SLIT2: variants seen among roughly 807,000 people sequenced by gnomAD.
SLIT2 encodes slit homolog 2 protein.
A neutral mutation model predicts 185.7 loss-of-function variants in SLIT2; 41 were observed. The ratio of observed to expected loss-of-function variants is 0.22; its 90% CI spans 0.17 to 0.29. The LOEUF (loss-of-function observed/expected upper bound fraction) is 0.29, where lower values mean the gene tolerates loss of function less well. Ranked by LOEUF, SLIT2 falls within the 10% of genes least tolerant of loss-of-function variation. The pLI, the probability that SLIT2 is intolerant of heterozygous loss-of-function variation, is 1.00. For synonymous variants in SLIT2, 693 were observed against 680.2 expected (o/e 1.02, Z -0.29); for missense variants, 1,571 against 1,909.0 (o/e 0.82, Z 3.30).
intron 8 of SLIT2, chr4:20,490,756 T>C (rs912214683): frequency 1.1e-5 from 15 of 1,336,712 alleles, no homozygotes; most frequent in Non-Finnish European, 1.6e-5. Context: ...AACAGTTCGT[T>C]ACTAACCACT....
chr4:20,456,302 T>C (rs1713064642), intron 4 of SLIT2, among the ~76,000 whole-genome samples: 2 of 152,122 alleles, frequency 1.3e-5, no homozygotes, highest in South Asian at 4.1e-4. Flanking sequence ...CAGCAAACAC[T>C]ATTTTCTTAG....
chr4:20,297,402 A>G (rs867677437), intron 4 of SLIT2, among the ~76,000 whole-genome samples: 15 of 152,284 alleles, frequency 9.9e-5, no homozygotes, highest in Admixed American at 6.5e-5. Context: ...CTAGAGGAAA[A>G]ATATTCTGAG....
chr4:20,400,455 C>T (rs541106343), intron 4 of SLIT2, among the ~76,000 whole-genome samples: 1 of 151,684 alleles, frequency 6.6e-6, no homozygotes, highest in South Asian at 2.1e-4. Flanking sequence ...TTCAAGGTTT[C>T]TGGTTTACAC....
At chr4:20,487,721 G>T (rs1297729080) in intron 7 of SLIT2, among the ~76,000 whole-genome samples, 1 of 152,132 alleles carries the variant, frequency 6.6e-6, no homozygotes, top group Non-Finnish European at 1.5e-5. Flanking sequence ...CCTTCTAGTT[G>T]TGAAGCAAAA....
chr4:20,293,067 GA>G lies in SLIT2; in HGVS notation c.395+24191del, dbSNP rs1357345675. 5.3e-5 allele frequency among the ~76,000 whole-genome samples: 8 copies of G among 152,282 alleles called. No individual in the cohort carries two copies. In the South Asian group the frequency reaches 8.3e-4, roughly 16 times the overall value. ...AAAAAGTCTGTATAGAAAGAGGGGG[GA>G]AAAAGTCTGTATGGAAAGGATGACT... On this transcript the variant is annotated intron_variant, in intron 4 of 36. Transcript: ENST00000504154.
At chr4:20,579,656 T>C (rs2148932224) in intron 29 of SLIT2, among the ~76,000 whole-genome samples, 1 of 152,082 alleles carries the variant, frequency 6.6e-6, no homozygotes, top group Non-Finnish European at 1.5e-5. Context: ...AGATGTGTAA[T>C]GAAAATTACA....
chr4:20,611,466 TA>T lies in SLIT2; in HGVS notation c.3847+1304del, dbSNP rs1246529269. Among the ~76,000 whole-genome samples, 9 of 152,320 alleles carry T rather than the reference TA, an allele frequency of 5.9e-5. No homozygotes were observed. In the East Asian group the frequency reaches 1.5e-3, roughly 26 times the overall value. Reference sequence around the variant, plus strand: ...AAGAAGAAATGTCCATTCTACTCCCTAAAAAGTCAAGAATGCAGAGGCATCT... The same window carrying T: ...AAGAAGAAATGTCCATTCTACTCCCTAAAAGTCAAGAATGCAGAGGCATCT... On this transcript the variant is annotated intron_variant, in intron 34 of 36. Transcript: ENST00000504154.
intron 16 of SLIT2, among the ~76,000 whole-genome samples, chr4:20,531,159 G>T (rs966812685): frequency 4.6e-5 from 7 of 152,048 alleles, no homozygotes; most frequent in African/African-American, 1.7e-4. Context: ...ATATATCCAG[G>T]CAGAAACGTG....
intron 4 of SLIT2, among the ~76,000 whole-genome samples, chr4:20,374,039 C>T (rs1197709875): frequency 6.6e-6 from 1 of 152,074 alleles, no homozygotes; most frequent in East Asian, 1.9e-4. Flanking sequence ...ATTTAAACTG[C>T]CTAAGTGTGA....
At position 20,442,863 on chromosome 4, in the gene SLIT2, G is replaced by A. The variant is rs138528204; in HGVS notation, c.396-24889G>A. Among the ~76,000 whole-genome samples the A allele has an allele frequency of 1.7e-3, 266 of 152,288 alleles. 2 individuals are homozygous for A. The highest frequency in any genetic ancestry group is 6.2e-3 in the African/African-American group (259 of 41,570). On this transcript the variant is annotated intron_variant, in intron 4 of 36. Coordinates refer to ENST00000504154, the MANE Select transcript of SLIT2 (RefSeq NM_004787.4). ...TTAATATGTTTCTACGGAGTGTTTA[G>A]ATGTGTTTTAGATTGAGAGTTTTTC...
chr4:20,616,901 C>T lies in SLIT2; in HGVS notation c.3848-9C>T. ...AGAGCCTGACCTCTGACCTGGTGTT[C>T]CTCCCCAGGCATGCCAGGGAAGAGT... On this transcript the variant is annotated splice_polypyrimidine_tract_variant and intron_variant, in intron 34 of 36. Transcript: ENST00000504154. 1 of 1,580,876 alleles carries T rather than the reference C, an allele frequency of 6.3e-7. No homozygotes were observed. Among genetic ancestry groups the T allele is most frequent in the Non-Finnish European group, 8.6e-7 (1 of 1,157,098 alleles).
At chr4:20,472,447 TATATAG>T (rs1432963147) in intron 5 of SLIT2, among the ~76,000 whole-genome samples, 11 of 78,170 alleles carry the variant, frequency 1.4e-4, no homozygotes, top group African/African-American at 4.4e-4. Context: ...GATATATATC[TATATAG>T]ATATATCTAT....
chr4:20,370,394 T>G (rs1014782675), intron 4 of SLIT2, among the ~76,000 whole-genome samples: 1 of 152,072 alleles, frequency 6.6e-6, no homozygotes, highest in Non-Finnish European at 1.5e-5. Context: ...AAACAGAGAG[T>G]GTATAGGAAG....
intron 4 of SLIT2, among the ~76,000 whole-genome samples, chr4:20,360,861 A>G (rs1460691154): frequency 6.6e-6 from 1 of 152,168 alleles, no homozygotes; most frequent in Non-Finnish European, 1.5e-5. Context: ...CATTACATGT[A>G]TGAATTCATT....
rs1390111902 is a variant in SLIT2, at chr4:20,553,847, G to C, written c.2604G>C (p.Gln868His). 1 of 1,604,650 alleles carries C rather than the reference G, an allele frequency of 6.2e-7. No homozygotes were observed. The highest frequency in any genetic ancestry group is 8.5e-7 in the Non-Finnish European group (1 of 1,177,542). Reference sequence around the variant, plus strand: ...CTCTTTACTGTGATTGTAACATGCAGTGGTTATCCGACTGGGTGAAGTCGG... The same window carrying C: ...CTCTTTACTGTGATTGTAACATGCACTGGTTATCCGACTGGGTGAAGTCGG... ...ANPLYCDCNM[Q>H]WLSDWVKSEY... Residue 868 changes from glutamine (Q) to histidine (H), a missense_variant, in exon 26 of 37, where the codon CAG becomes CAC. Physicochemically the swap from Gln to His is conservative, Grantham distance 24. Transcript: ENST00000504154.
Position 20,577,683 on chromosome 4 carries a change from A to G in SLIT2, c.3088+8679A>G, listed in dbSNP as rs79111148. Among the ~76,000 whole-genome samples the G allele has an allele frequency of 3.3e-3, 504 of 152,290 alleles. 2 individuals carry two copies. The highest frequency in any genetic ancestry group is 0.012 in the African/African-American group (481 of 41,570). ...GCCCTGTGATGACTCCCATAATCTC[A>G]TCAGCTATATCCACCCTGTGCTATA... is the stretch of plus-strand genomic sequence containing the variant. On this transcript the variant is annotated intron_variant, in intron 29 of 36. Coordinates refer to ENST00000504154, the MANE Select transcript of SLIT2 (RefSeq NM_004787.4).
intron 26 of SLIT2, chr4:20,554,489 T>C (rs1014465785): frequency 3.3e-6 from 1 of 300,906 alleles, no homozygotes; most frequent in African/African-American, 2.2e-5. Context: ...AATCTAAATA[T>C]TGTCAGAATA....
chr4:20,578,979 T>C (rs1277331964), intron 29 of SLIT2, among the ~76,000 whole-genome samples: 1 of 152,036 alleles, frequency 6.6e-6, no homozygotes, highest in Admixed American at 6.6e-5. Flanking sequence ...TGCCCAGATT[T>C]CTTGGTAGAT....
At chr4:20,307,593 C>T (rs566550492) in intron 4 of SLIT2, among the ~76,000 whole-genome samples, 1 of 152,164 alleles carries the variant, frequency 6.6e-6, no homozygotes, top group Non-Finnish European at 1.5e-5. Context: ...TTGATTAATA[C>T]TTGTTCAATC....
Sources: gnomAD v4.1 joint callset for allele counts (sites outside exome capture counted in the v4.1 genomes callset) on GRCh38, gnomAD v4.1.1 for gene constraint, MANE v1.5 for transcripts, NCBI Gene and HGNC (gene_info 2026-07-23, HGNC 2026-07-21) for gene names.